The following KLF12 variants were observed in gnomAD, a reference collection of about 807,000 sequenced individuals.
The protein encoded by KLF12 is Krueppel-like factor 12.
Under a neutral mutation model 37.8 loss-of-function variants are expected in KLF12, and 9 were observed. The ratio of observed to expected loss-of-function variants is 0.24; its 90% CI spans 0.14 to 0.42. KLF12 has a LOEUF of 0.42. Ranked by LOEUF, KLF12 falls within the 10% of genes least tolerant of loss-of-function variation. The pLI is 1.00. For synonymous variants in KLF12, 208 were observed against 202.1 expected, an observed-to-expected ratio of 1.03 and a Z score of -0.25; for missense variants, 411 against 516.0, an observed-to-expected ratio of 0.80 and a Z score of 1.97.
At chr13:74,259,575 A>G in the KLF12 span, 1 of 152,228 alleles carries the variant, frequency 6.6e-6, no homozygotes, top group Non-Finnish European at 1.5e-5. Context: ...ATTGACTTGC[A>G]TGCCCCTCTT....
the KLF12 span, among the ~76,000 whole-genome samples, chr13:74,176,429 G>A: frequency 1.3e-5 from 2 of 152,090 alleles, no homozygotes; most frequent in East Asian, 1.9e-4. Flanking sequence ...TGGCAAATGC[G>A]CAACATTCTA....
chr13:73,937,198 T>TA (rs201687276), intron 3 of KLF12, among the ~76,000 whole-genome samples: 1 of 150,376 alleles, frequency 6.6e-6, no homozygotes, highest in Non-Finnish European at 1.5e-5. Context: ...CAAAAAAAAA[T>TA]AAATAAATAA....
intron 2 of KLF12, among the ~76,000 whole-genome samples, chr13:73,967,602 A>G (rs1385455111): frequency 6.6e-6 from 1 of 152,184 alleles, no homozygotes; most frequent in Non-Finnish European, 1.5e-5. Flanking sequence ...CATTTTTACA[A>G]AACAGTCATC....
chr13:74,146,665 TAGAA>T, the KLF12 span, among the ~76,000 whole-genome samples: 68 of 152,380 alleles, frequency 4.5e-4, no homozygotes, highest in African/African-American at 1.6e-3. Context: ...GTTTTTAATT[TAGAA>T]AACTATTTTC....
chr13:73,966,475 T>G (rs1891174506), intron 2 of KLF12, among the ~76,000 whole-genome samples: 1 of 152,182 alleles, frequency 6.6e-6, no homozygotes, highest in Non-Finnish European at 1.5e-5. Context: ...TGTGAGGCCC[T>G]GAAATGTGCA....
chr13:73,776,110 CTAT>C (rs886684646), intron 5 of KLF12, among the ~76,000 whole-genome samples: 18 of 152,194 alleles, frequency 1.2e-4, no homozygotes, highest in Non-Finnish European at 2.2e-4. Flanking sequence ...TTAAATGTGA[CTAT>C]TATTATTATT....
chr13:74,117,701 G>A (rs9600231), intron 1 of KLF12, among the ~76,000 whole-genome samples: 29,013 of 152,016 alleles, frequency 0.19, 3,195 homozygotes, highest in African/African-American at 0.3. Flanking sequence ...ATGATACCCC[G>A]ATGTGATACA....
chr13:73,876,741 G>T (rs1401418778), intron 3 of KLF12, among the ~76,000 whole-genome samples: 1 of 151,902 alleles, frequency 6.6e-6, no homozygotes, highest in Non-Finnish European at 1.5e-5. Flanking sequence ...GTGGCTGGGC[G>T]CGGTGGCTTA....
the KLF12 span, among the ~76,000 whole-genome samples, chr13:74,295,920 C>T: frequency 6.6e-6 from 1 of 152,058 alleles, no homozygotes; most frequent in Non-Finnish European, 1.5e-5. Flanking sequence ...CTCAAACGAT[C>T]CTCCCACCTC....
At chr13:74,072,364 A>AATTATATAT (rs1874302552) in intron 1 of KLF12, among the ~76,000 whole-genome samples, 1 of 63,064 alleles carries the variant, frequency 1.6e-5, no homozygotes, top group South Asian at 8.0e-4. Flanking sequence ...AAGAAATACA[A>AATTATATAT]ATATATATAT....
rs975710279 is a variant in KLF12, at chr13:73,690,011, T to G, written c.*5479A>C. The G allele has an allele frequency of 6.6e-6, 1 of 152,370 alleles. No homozygotes were observed. Among genetic ancestry groups the G allele is most frequent in the Non-Finnish European group, 1.5e-5 (1 of 68,022 alleles). 9.4% of individuals were successfully genotyped at this position (152,370 alleles called of 1,614,324 possible). A position where few individuals can be genotyped will look rare whatever the true frequency, so the allele number is the denominator to read the frequency against. Reference sequence around the variant, plus strand: ...CTTAACGTTCTGCAAGTTAGAAAGATCAAATTAAGAAATGTTAATGTAAAC... The same window carrying G: ...CTTAACGTTCTGCAAGTTAGAAAGAGCAAATTAAGAAATGTTAATGTAAAC... On this transcript the variant is annotated 3_prime_UTR_variant, in exon 8 of 8. Transcript: ENST00000377669.
chr13:73,948,228 C>CTT (rs368404181), intron 2 of KLF12, among the ~76,000 whole-genome samples: 3 of 146,910 alleles, frequency 2.0e-5, no homozygotes, highest in African/African-American at 5.0e-5. Flanking sequence ...ATAGCAGATT[C>CTT]TTTTTTTTTT....
chr13:73,826,707 A>G (rs1883863674), intron 4 of KLF12, among the ~76,000 whole-genome samples: 1 of 152,076 alleles, frequency 6.6e-6, no homozygotes, highest in South Asian at 2.1e-4. Flanking sequence ...ATATATGTCC[A>G]TGAACAATAC....
At chr13:74,190,229 C>A in the KLF12 span, among the ~76,000 whole-genome samples, 1 of 152,110 alleles carries the variant, frequency 6.6e-6, no homozygotes, top group East Asian at 1.9e-4. Flanking sequence ...GACAACAACA[C>A]ACCAAACTTT....
intron 5 of KLF12, among the ~76,000 whole-genome samples, chr13:73,770,578 A>C (rs1302045101): frequency 6.6e-6 from 1 of 150,944 alleles, no homozygotes; most frequent in Admixed American, 6.6e-5. Flanking sequence ...GCTGGAGTGC[A>C]GTGGTGCCAT....
rs1873867934 is a variant in KLF12 at position 73,692,293 on chromosome 13, G to C, written c.*3197C>G. The C allele has an allele frequency of 1.3e-5, 2 of 152,086 alleles. No homozygotes were observed. The highest frequency in any genetic ancestry group is 4.8e-5 in the African/African-American group (2 of 41,412). The allele number at this position is 152,086 out of a possible 1,614,324, so 9.4% of individuals were successfully genotyped here. ...ACAACTTAAGATCAGACCATGAAAA[G>C]GGATTCTTAAAACCTCAAAGGCTGA... is the stretch of plus-strand genomic sequence containing the variant. On this transcript the variant is annotated 3_prime_UTR_variant, in exon 8 of 8. Transcript: ENST00000377669.
At chr13:73,759,623 C>T (rs1255647613) in intron 6 of KLF12, among the ~76,000 whole-genome samples, 5 of 152,158 alleles carry the variant, frequency 3.3e-5, no homozygotes, top group African/African-American at 4.8e-5. Flanking sequence ...ACAACTGCCA[C>T]GTCATGGAAA....
At chr13:74,170,434 A>C in the KLF12 span, among the ~76,000 whole-genome samples, 1 of 152,234 alleles carries the variant, frequency 6.6e-6, no homozygotes, top group South Asian at 2.1e-4. Flanking sequence ...CTTCTTTAAG[A>C]ATACAATACC....
At chr13:74,003,321 GAAT>G (rs1454943289) in intron 1 of KLF12, among the ~76,000 whole-genome samples, 10 of 152,106 alleles carry the variant, frequency 6.6e-5, no homozygotes, top group Non-Finnish European at 1.5e-4. Flanking sequence ...CTGAATTTGA[GAAT>G]AATCATACAT....
Sources: gnomAD v4.1 joint callset for allele counts (sites outside exome capture counted in the v4.1 genomes callset) on GRCh38, gnomAD v4.1.1 for gene constraint, MANE v1.5 for transcripts, NCBI Gene and HGNC (gene_info 2026-07-23, HGNC 2026-07-21) for gene names.